TRDMT1: variants seen among roughly 807,000 people sequenced by gnomAD.
TRDMT1 encodes the protein tRNA aspartic acid methyltransferase 1.
A neutral mutation model predicts 51.2 loss-of-function variants in TRDMT1; 49 were observed. That is an observed-to-expected ratio of 0.96 (90% CI 0.76 to 1.21). TRDMT1 has a LOEUF of 1.21. Ranked by LOEUF, TRDMT1 falls within the 50% of genes most tolerant of loss-of-function variation. The pLI, the probability that TRDMT1 is intolerant of heterozygous loss-of-function variation, is 0.00. For missense variants in TRDMT1, 534 were observed against 462.3 expected (o/e 1.16, Z -1.42); for synonymous variants, 187 against 164.6 (o/e 1.14, Z -1.04).
At chr10:17,158,375 T>A (rs771986485) in intron 7 of TRDMT1, among the ~76,000 whole-genome samples, 7 of 152,142 alleles carry the variant, frequency 4.6e-5, no homozygotes, top group Non-Finnish European at 1.0e-4. Flanking sequence ...GTCCTTGAAG[T>A]CAATGTATAA....
intron 1 of TRDMT1, among the ~76,000 whole-genome samples, chr10:17,192,592 C>T (rs948056851): frequency 4.6e-5 from 7 of 152,152 alleles, no homozygotes; most frequent in African/African-American, 1.4e-4. Context: ...TCTCCTTCCC[C>T]GCAAAACAAA....
chr10:17,159,282 C>T, intron 6 of TRDMT1, 53 bp from the exon 7 acceptor site: 1 of 1,309,444 alleles, frequency 7.6e-7, no homozygotes, highest in African/African-American at 1.5e-5. Context: ...GAGAGCGGTA[C>T]CAACTTTAGC....
In TRDMT1 at chr10:17,141,419, T is replaced by G. The variant is rs1837678494; in HGVS notation, c.*7621A>C. ...TTATGATCTGCCCCCCTTCGCCTCC[T>G]AAAGTGCTGGGATTACAGGTGTCAG... On this transcript the variant is annotated 3_prime_UTR_variant, in exon 11 of 11. Coordinates refer to ENST00000377799, the MANE Select transcript of TRDMT1 (RefSeq NM_004412.7). Among the ~76,000 whole-genome samples, 1 of 152,134 alleles carries G rather than the reference T, an allele frequency of 6.6e-6. No homozygotes were observed. The highest frequency in any genetic ancestry group is 2.1e-4 in the South Asian group (1 of 4,822).
At chr10:17,163,115 G>C (rs1006530325) in intron 3 of TRDMT1, among the ~76,000 whole-genome samples, 1 of 152,168 alleles carries the variant, frequency 6.6e-6, no homozygotes, top group Non-Finnish European at 1.5e-5. Flanking sequence ...AAATAGGAGA[G>C]ACTTAAGCTG....
chr10:17,146,378 G>A lies in TRDMT1; in HGVS notation c.*2662C>T, dbSNP rs1838109755. The A allele has an allele frequency of 4.1e-6, 4 of 985,408 alleles. No individual in the cohort carries two copies. The highest frequency in any genetic ancestry group is 4.8e-6 in the Non-Finnish European group (4 of 829,938). The allele number at this position is 985,408 out of a possible 1,614,324, so 61.0% of individuals were successfully genotyped here. On this transcript the variant is annotated 3_prime_UTR_variant, in exon 11 of 11. Transcript: ENST00000377799. ...ACCATGGCCAGGGTCCTCTGTGAAG[G>A]TGATGCCATCATTCCTCTTTCTTGC...
intron 3 of TRDMT1, among the ~76,000 whole-genome samples, chr10:17,165,691 C>T (rs547998123): frequency 2.0e-5 from 3 of 151,854 alleles, no homozygotes; most frequent in Admixed American, 6.6e-5. Context: ...ACAAAAAACC[C>T]CATCAAAAAG....
At chr10:17,198,643 G>A (rs1163019872) in intron 1 of TRDMT1, among the ~76,000 whole-genome samples, 2 of 152,126 alleles carry the variant, frequency 1.3e-5, no homozygotes, top group African/African-American at 4.8e-5. Flanking sequence ...GGGACTGGGG[G>A]GAAAGGGAAT....
intron 2 of TRDMT1, among the ~76,000 whole-genome samples, chr10:17,170,117 T>C (rs1841765651): frequency 6.6e-6 from 1 of 152,202 alleles, no homozygotes; most frequent in African/African-American, 2.4e-5. Flanking sequence ...ATCCTATGTC[T>C]AGAATCGAAA....
At position 17,148,531 on chromosome 10, in the gene TRDMT1, T is replaced by A. The variant is rs1358502873; in HGVS notation, c.*509A>T. On this transcript the variant is annotated 3_prime_UTR_variant, in exon 11 of 11. Coordinates refer to ENST00000377799, the MANE Select transcript of TRDMT1 (RefSeq NM_004412.7). ...TCTTCAGTCTGCTGTATAAACTGAATGATGATAATTTGGTTTACATATCAT... is the reference window on the plus strand; with the variant it reads ...TCTTCAGTCTGCTGTATAAACTGAAAGATGATAATTTGGTTTACATATCAT... 1 of 984,994 alleles carries A rather than the reference T, an allele frequency of 1.0e-6. No homozygotes were observed. Among genetic ancestry groups the A allele is most frequent in the Non-Finnish European group, 1.2e-6 (1 of 829,658 alleles). 61.0% of individuals were successfully genotyped at this position (984,994 alleles called of 1,614,324 possible).
At chr10:17,184,564 C>A (rs929649912) in intron 1 of TRDMT1, among the ~76,000 whole-genome samples, 1 of 152,022 alleles carries the variant, frequency 6.6e-6, no homozygotes, top group African/African-American at 2.4e-5. Context: ...TTGAAAGCTT[C>A]TAATTTTCAT....
intron 2 of TRDMT1, among the ~76,000 whole-genome samples, chr10:17,170,638 G>C (rs1360497263): frequency 6.6e-6 from 1 of 152,104 alleles, no homozygotes; most frequent in African/African-American, 2.4e-5. Context: ...TTTTATTGAA[G>C]TTATAGTGAA....
intron 1 of TRDMT1, among the ~76,000 whole-genome samples, chr10:17,195,070 G>A (rs1024625995): frequency 6.6e-6 from 1 of 151,262 alleles, no homozygotes; most frequent in Non-Finnish European, 1.5e-5. Flanking sequence ...ATTTCTCAAA[G>A]AACTTAAAAC....
rs74581414 is a variant in TRDMT1, at chr10:17,200,019, A to C, written c.64+1552T>G. On this transcript the variant is annotated intron_variant, in intron 1 of 10. Coordinates refer to ENST00000377799, the MANE Select transcript of TRDMT1 (RefSeq NM_004412.7). ...GATGAATATGTAGTTAAGGCACTCA[A>C]AAATCTCTGAAAAGCAATTTGCTAT... Among the ~76,000 whole-genome samples, 202 of 152,362 alleles carry C rather than the reference A, an allele frequency of 1.3e-3. 2 individuals are homozygous for C. The East Asian group carries it at 0.016, about 12-fold the overall frequency.
chr10:17,200,692 G>C (rs1055111867), intron 1 of TRDMT1: 1 of 156,140 alleles, frequency 6.4e-6, no homozygotes, highest in African/African-American at 2.4e-5. Flanking sequence ...ATAATTTTGA[G>C]TGAATATCAC....
intron 6 of TRDMT1, among the ~76,000 whole-genome samples, chr10:17,159,956 A>G (rs1465917532): frequency 2.0e-5 from 3 of 152,116 alleles, no homozygotes; most frequent in East Asian, 1.9e-4. Flanking sequence ...ATTGTTTTCT[A>G]TTTTGGATTA....
intron 2 of TRDMT1, among the ~76,000 whole-genome samples, chr10:17,169,159 G>C (rs142267284): frequency 5.9e-5 from 9 of 152,174 alleles, no homozygotes; most frequent in African/African-American, 2.2e-4. Context: ...GCCCAGAGCT[G>C]GAACAGTTGT....
chr10:17,171,295 T>C (rs1841966749), intron 2 of TRDMT1, among the ~76,000 whole-genome samples: 1 of 152,152 alleles, frequency 6.6e-6, no homozygotes, highest in African/African-American at 2.4e-5. Flanking sequence ...TGGGAAACCC[T>C]GAAGACACTG....
chr10:17,148,014 A>C lies in TRDMT1; in HGVS notation c.*1026T>G. ...ATTTGAATTAAAATCTTGTAATATGATTTCTGGACTTGTTTCTTTTCATCT... is the reference window on the plus strand; with the variant it reads ...ATTTGAATTAAAATCTTGTAATATGCTTTCTGGACTTGTTTCTTTTCATCT... On this transcript the variant is annotated 3_prime_UTR_variant, in exon 11 of 11. Coordinates refer to ENST00000377799, the MANE Select transcript of TRDMT1 (RefSeq NM_004412.7). 1 of 985,050 alleles carries C rather than the reference A, an allele frequency of 1.0e-6. No homozygotes were observed. Among genetic ancestry groups the C allele is most frequent in the Non-Finnish European group, 1.2e-6 (1 of 829,606 alleles). 61.0% of individuals were successfully genotyped at this position (985,050 alleles called of 1,614,324 possible). A position where few individuals can be genotyped will look rare whatever the true frequency, so the allele number is the denominator to read the frequency against.
At chr10:17,160,541 G>A (rs1358936750) in intron 5 of TRDMT1, among the ~76,000 whole-genome samples, 167 bp from the exon 6 acceptor site, 3 of 151,882 alleles carry the variant, frequency 2.0e-5, no homozygotes, top group African/African-American at 7.3e-5. Flanking sequence ...GCAGAATCTC[G>A]GCTCACTGCA....
Sources: gnomAD v4.1 joint callset for allele counts (sites outside exome capture counted in the v4.1 genomes callset) on GRCh38, gnomAD v4.1.1 for gene constraint, MANE v1.5 for transcripts, NCBI Gene and HGNC (gene_info 2026-07-23, HGNC 2026-07-21) for gene names.